Variants in POGZ observed in about 807,000 individuals in gnomAD.
POGZ encodes the protein pogo transposable element derived with ZNF domain, also known as pogo transposable element with ZNF domain.
POGZ carries 17 observed loss-of-function variants against 134.6 expected under a neutral mutation model. The observed-to-expected ratio is 0.13, with a 90% confidence interval of 0.09 to 0.19. The LOEUF is 0.19. Ranked by LOEUF, POGZ falls within the 10% of genes least tolerant of loss-of-function variation. The pLI is 1.00. For missense variants in POGZ, 1,306 were observed against 1,769.7 expected, an observed-to-expected ratio of 0.74 and a Z score of 4.70; for synonymous variants, 693 against 657.1, an observed-to-expected ratio of 1.05 and a Z score of -0.84.
At position 151,404,396 on chromosome 1, in the gene POGZ, A is replaced by C; in HGVS notation, c.*406T>G. ...CCCAAAGACATTGGCCACACAATAA[A>C]ACAAACAAAAAAACCCAGTACTATG... On this transcript the variant is annotated 3_prime_UTR_variant, in exon 19 of 19. Transcript: ENST00000271715. The C allele has an allele frequency of 1.0e-6, 1 of 992,178 alleles. No individual in the cohort carries two copies. The highest frequency in any genetic ancestry group is 1.7e-5 in the African/African-American group (1 of 57,438). 61.5% of individuals were successfully genotyped at this position (992,178 alleles called of 1,614,324 possible).
chr1:151,425,457 G>GT (rs772620436), intron 7 of POGZ, among the ~76,000 whole-genome samples: 8 of 151,704 alleles, frequency 5.3e-5, no homozygotes, highest in Non-Finnish European at 7.4e-5. Flanking sequence ...TAAGGTTTTT[G>GT]TTTTTTTTAA....
intron 3 of POGZ, among the ~76,000 whole-genome samples, chr1:151,432,644 T>C (rs1278343737): frequency 1.3e-5 from 2 of 152,192 alleles, no homozygotes; most frequent in Non-Finnish European, 2.9e-5. Flanking sequence ...CTTCAATAAT[T>C]ATCAATGTAT....
chr1:151,444,197 C>G (rs1176217501), intron 1 of POGZ, among the ~76,000 whole-genome samples: 2 of 152,064 alleles, frequency 1.3e-5, no homozygotes, highest in Non-Finnish European at 2.9e-5. Flanking sequence ...AAACCAAAGC[C>G]ACAAAGGGGG....
chr1:151,411,942 G>C, intron 11 of POGZ, 171 bp from the exon 12 acceptor site: 1 of 581,778 alleles, frequency 1.7e-6, no homozygotes, highest in Non-Finnish European at 3.0e-6. Flanking sequence ...TTTGTGATAG[G>C]TTTAGCTATT....
chr1:151,405,800 G>A lies in POGZ; in HGVS notation c.3235C>T (p.His1079Tyr). Residue 1079 changes from histidine to tyrosine, a missense_variant, in exon 19 of 19, where the codon CAC becomes TAC. Transcript: ENST00000271715. This position sits in a 1 kb window ranked among gnomAD's most constrained non-coding sequence, Gnocchi z 4.9. ...CGCCGGGCATGGGGAGTCAGGTGGT[G>A]CCGCAGCATGAAACGCACAGCCCAC... ...YEWAVRFMLR[H>Y]HLTPHARRAV... 6.2e-7 allele frequency: 1 copy of A among 1,614,196 alleles called. No individual in the cohort carries two copies. The highest frequency in any genetic ancestry group is 8.5e-7 in the Non-Finnish European group (1 of 1,180,036).
At chr1:151,406,737 G>C in intron 17 of POGZ, 106 bp from the exon 18 acceptor site, 2 of 1,086,314 alleles carry the variant, frequency 1.8e-6, no homozygotes, top group Non-Finnish European at 1.4e-6. Flanking sequence ...GCTGTTCGCA[G>C]TGACCAGCTT....
intron 18 of POGZ, 69 bp from the exon 19 acceptor site, chr1:151,406,533 G>A: frequency 1.3e-6 from 2 of 1,525,474 alleles, no homozygotes; most frequent in Non-Finnish European, 1.8e-6. Context: ...ACAATAATAT[G>A]ATAATAATAA....
chr1:151,449,642 A>T (rs1029003151), intron 1 of POGZ, among the ~76,000 whole-genome samples: 1 of 152,210 alleles, frequency 6.6e-6, no homozygotes, highest in African/African-American at 2.4e-5. Context: ...CACGCCTGTA[A>T]TCCCAGCACT....
chr1:151,452,931 T>G (rs1662311318), intron 1 of POGZ, among the ~76,000 whole-genome samples: 1 of 151,776 alleles, frequency 6.6e-6, no homozygotes, highest in South Asian at 2.1e-4. Flanking sequence ...TCTTTCACCC[T>G]TTTCTTTTTT....
At chr1:151,430,980 G>C (rs1658602326) in intron 3 of POGZ, 139 bp from the exon 4 acceptor site, 1 of 493,444 alleles carries the variant, frequency 2.0e-6, no homozygotes, top group African/African-American at 2.1e-5. Flanking sequence ...CTGTCACCCA[G>C]GCTGGAGCAC....
At position 151,438,670 on chromosome 1, in the gene POGZ, G is replaced by T. The variant is rs1040426294; in HGVS notation, c.283+2258C>A. 3.3e-5 allele frequency among the ~76,000 whole-genome samples: 5 copies of T among 152,184 alleles called. No homozygotes were observed. In the South Asian group the frequency reaches 6.2e-4, roughly 19 times the overall value. ...AGGAGGGAGGATCGCTTGAGCTTGG[G>T]AGTTTGAGACCAGCCTGGGCAACAT... On this transcript the variant is annotated intron_variant, in intron 3 of 18. Coordinates refer to ENST00000271715, the MANE Select transcript of POGZ (RefSeq NM_015100.4).
At chr1:151,429,137 AACTAT>A (rs1393212673) in intron 5 of POGZ, among the ~76,000 whole-genome samples, 24 of 151,898 alleles carry the variant, frequency 1.6e-4, no homozygotes, top group Non-Finnish European at 3.1e-4. Flanking sequence ...AAAAAAAAAA[AACTAT>A]CTAGCAGAAT....
intron 1 of POGZ, among the ~76,000 whole-genome samples, chr1:151,453,338 A>G (rs958637723): frequency 4.6e-5 from 7 of 151,962 alleles, no homozygotes; most frequent in Non-Finnish European, 1.5e-5. Flanking sequence ...CATTCCACCT[A>G]TCTCTTTGGT....
chr1:151,441,145 C>A, intron 2 of POGZ, 59 bp from the exon 3 acceptor site: 1 of 1,351,504 alleles, frequency 7.4e-7, no homozygotes, highest in South Asian at 1.3e-5. Flanking sequence ...CTAAAGGATA[C>A]TGCTCTAATC....
chr1:151,406,187 G>A lies in POGZ; in HGVS notation c.2848C>T (p.Pro950Ser). 1.2e-6 allele frequency: 2 copies of A among 1,614,094 alleles called. No individual in the cohort carries two copies. Among genetic ancestry groups the A allele is most frequent in the Non-Finnish European group, 1.7e-6 (2 of 1,179,992 alleles). The change falls in exon 19 of 19, where the codon CCA becomes TCA. Residue 950 changes from proline to serine, a missense_variant. Around this residue, in one of 10 missense-constraint regions of POGZ, gnomAD observed 214 missense variants for 255.5 expected, o/e 0.84. Transcript: ENST00000271715. Reference sequence around the variant, plus strand: ...GCTAGCTCAGGTTCTTGGGTGACTGGGCTCCCTTCATCCTGATCATCAACA... The same window carrying A: ...GCTAGCTCAGGTTCTTGGGTGACTGAGCTCCCTTCATCCTGATCATCAACA... ...LNVDDQDEGS[P>S]VTQEPELASG...
At chr1:151,439,296 T>TA (rs1430906063) in intron 3 of POGZ, among the ~76,000 whole-genome samples, 1 of 152,204 alleles carries the variant, frequency 6.6e-6, no homozygotes, top group Admixed American at 6.5e-5. Context: ...CCCATCTTTA[T>TA]ACATACAAGG....
In POGZ at chr1:151,403,085, G is replaced by C; in HGVS notation, c.*1717C>G. The C allele has an allele frequency of 3.0e-6, 1 of 336,268 alleles. No homozygotes were observed. Among genetic ancestry groups the C allele is most frequent in the Non-Finnish European group, 4.2e-6 (1 of 236,176 alleles). The allele number at this position is 336,268 out of a possible 1,614,324, so 20.8% of individuals were successfully genotyped here. ...AAATGGCATCAGGCAAAAAGCTGGG[G>C]AAGAGAAGCCCAGATGGATCCTTGG... is the stretch of plus-strand genomic sequence containing the variant. On this transcript the variant is annotated 3_prime_UTR_variant, in exon 19 of 19. Coordinates refer to ENST00000271715, the MANE Select transcript of POGZ (RefSeq NM_015100.4).
chr1:151,416,210 C>CAAAAAAAAAAAAAAAAAAAAAA (rs1212371839), intron 10 of POGZ, among the ~76,000 whole-genome samples: 1 of 42,786 alleles, frequency 2.3e-5, no homozygotes, highest in Non-Finnish European at 3.8e-5. Flanking sequence ...AACTCCATCT[C>CAAAAAAAAAAAAAAAAAAAAAA]AAAAAAAAAA....
rs936889916 is a variant in POGZ at position 151,403,688 on chromosome 1, G to C, written c.*1114C>G. 1 of 985,610 alleles carries C rather than the reference G, an allele frequency of 1.0e-6. No homozygotes were observed. The highest frequency in any genetic ancestry group is 1.1e-4 in the East Asian group (1 of 8,824). 61.1% of individuals were successfully genotyped at this position (985,610 alleles called of 1,614,324 possible). On this transcript the variant is annotated 3_prime_UTR_variant, in exon 19 of 19. Coordinates refer to ENST00000271715, the MANE Select transcript of POGZ (RefSeq NM_015100.4). ...TTCTTCCTGTCAGATTCTTCCCTAA[G>C]TATTAAGAGAAATAGGGGAAAGCCA... is the stretch of plus-strand genomic sequence containing the variant.
Sources: allele counts gnomAD v4.1 joint callset (sites outside exome capture counted in the v4.1 genomes callset), GRCh38; gene constraint gnomAD v4.1.1; regional missense constraint gnomAD v4.1.1; non-coding constraint Gnocchi (gnomAD v3.1); transcripts MANE v1.5; gene names NCBI Gene and HGNC (gene_info 2026-07-23, HGNC 2026-07-21).